ABCB11: variants seen among roughly 807,000 people sequenced by gnomAD.
ABCB11 encodes the protein ATP binding cassette subfamily B member 11, also known as bile salt export pump.
Under a neutral mutation model 148.0 loss-of-function variants are expected in ABCB11, and 95 were observed. The observed-to-expected ratio is 0.64, with a 90% confidence interval of 0.54 to 0.76. ABCB11 has a LOEUF of 0.76. ABCB11 is among the 30% of genes least tolerant of loss of function. The pLI is 0.00. For synonymous variants in ABCB11, 591 were observed against 555.4 expected, an observed-to-expected ratio of 1.06 and a Z score of -0.90; for missense variants, 1,523 against 1,617.8, an observed-to-expected ratio of 0.94 and a Z score of 1.01.
At chr2:168,923,894 G>A in intron 27 of ABCB11, 72 bp from the exon 28 acceptor site, 1 of 1,433,814 alleles carries the variant, frequency 7.0e-7, no homozygotes, top group Non-Finnish European at 9.8e-7. Context: ...TGAGAGTTCA[G>A]TTAACACGAC....
In ABCB11 at chr2:168,993,890, C is replaced by T. The variant is rs762823112; in HGVS notation, c.612-8G>A. The stretch of plus-strand genomic sequence containing the variant: ...TTGATTTTATTAATATCACTAGAAA[C>T]CAGAAAGATTTTGGTCACTAAAACT... On this transcript the variant is annotated splice_polypyrimidine_tract_variant and splice_region_variant and intron_variant, in intron 7 of 27. Coordinates refer to ENST00000650372, the MANE Select transcript of ABCB11 (RefSeq NM_003742.4). 1 of 1,599,260 alleles carries T rather than the reference C, an allele frequency of 6.3e-7. No homozygotes were observed. The highest frequency in any genetic ancestry group is 1.8e-5 in the Admixed American group (1 of 56,962).
intron 26 of ABCB11, among the ~76,000 whole-genome samples, chr2:168,926,606 C>T (rs1691324669): frequency 6.6e-6 from 1 of 152,110 alleles, no homozygotes; most frequent in South Asian, 2.1e-4. Context: ...TTGGGCAATA[C>T]AATACTTTCC....
intron 26 of ABCB11, among the ~76,000 whole-genome samples, chr2:168,925,700 T>G (rs1181154108): frequency 6.6e-6 from 1 of 152,196 alleles, no homozygotes; most frequent in Non-Finnish European, 1.5e-5. Context: ...TTCCTTTCCC[T>G]GCTTCCCTTG....
intron 25 of ABCB11, among the ~76,000 whole-genome samples, chr2:168,928,096 G>GA (rs1320951605): frequency 3.3e-5 from 5 of 151,924 alleles, no homozygotes; most frequent in Admixed American, 3.3e-4. Context: ...TATTATTTCA[G>GA]AAAAAAATTG....
intron 21 of ABCB11, among the ~76,000 whole-genome samples, chr2:168,943,862 G>C (rs973462419): frequency 6.6e-6 from 1 of 151,558 alleles, no homozygotes; most frequent in African/African-American, 2.4e-5. Flanking sequence ...TTTTCCTTTG[G>C]TTTTGTTTTT....
intron 2 of ABCB11, among the ~76,000 whole-genome samples, chr2:169,017,049 G>A (rs982989698): frequency 2.0e-5 from 3 of 150,260 alleles, no homozygotes; most frequent in African/African-American, 7.4e-5. Context: ...GGGTCCAGGA[G>A]TGCTGCTACC....
chr2:168,946,523 T>A (rs961742410), intron 19 of ABCB11, among the ~76,000 whole-genome samples: 5 of 151,822 alleles, frequency 3.3e-5, no homozygotes, highest in Admixed American at 2.0e-4. Flanking sequence ...AGTAGCACAG[T>A]AATTCTTCCC....
intron 10 of ABCB11, 55 bp from the exon 11 acceptor site, chr2:168,980,034 AT>A (rs1203832783): frequency 9.7e-7 from 1 of 1,035,394 alleles, no homozygotes; most frequent in Non-Finnish European, 1.5e-6. Flanking sequence ...GTAAATAGTA[AT>A]TACTATCATT....
In ABCB11 at chr2:169,013,364, T is replaced by G; in HGVS notation, c.297A>C (p.Glu99Asp). 1 of 1,613,788 alleles carries G rather than the reference T, an allele frequency of 6.2e-7. No homozygotes were observed. The highest frequency in any genetic ancestry group is 1.1e-5 in the South Asian group (1 of 91,074). Residue 99 changes from glutamate (E) to aspartate (D), a missense_variant, in exon 5 of 28, where the codon GAA (glutamate) becomes GAC (aspartate). By Grantham distance (45) the Glu-to-Asp change is conservative. Coordinates refer to ENST00000650372, the MANE Select transcript of ABCB11 (RefSeq NM_003742.4). ...VFIDYDVELQ[E>D]LQIPGKACVN... ...CACATGCTTTTCCTGGAATCTGGAG[T>G]TCTTGTAACTCAACGTCGTAGTCAA...
chr2:168,953,869 T>C (rs1441734588), intron 19 of ABCB11, among the ~76,000 whole-genome samples: 3 of 151,548 alleles, frequency 2.0e-5, no homozygotes, highest in Non-Finnish European at 4.4e-5. Flanking sequence ...AATGTAACCA[T>C]TTGTCTCTTA....
At chr2:168,919,889 T>C (rs1376198062), downstream of ABCB11, among the ~76,000 whole-genome samples, 2 of 152,026 alleles carry the variant, frequency 1.3e-5, no homozygotes, top group Non-Finnish European at 2.9e-5. Flanking sequence ...TTGTTTTTTT[T>C]TGAGACAAGG....
rs1424715238 is a variant in ABCB11, at chr2:168,970,157, C to T, written c.1697G>A (p.Arg566Lys). 2.5e-6 allele frequency: 4 copies of T among 1,612,728 alleles called. No individual in the cohort carries two copies. Among genetic ancestry groups the T allele is most frequent in the African/African-American group, 2.7e-5 (2 of 74,824 alleles). ...GGQMSGGQKQ[R>K]VAIARALIRN... Reference sequence around the variant, plus strand: ...GATGAGGGCTCTGGCGATAGCTACCCTTTGTTTCTGGCCACCACTCATCTG... The same window carrying T: ...GATGAGGGCTCTGGCGATAGCTACCTTTTGTTTCTGGCCACCACTCATCTG... The change falls in exon 15 of 28, where the codon AGG (arginine) becomes AAG (lysine). Residue 566 changes from arginine (R) to lysine (K), a missense_variant. By Grantham distance (26) the Arg-to-Lys change is conservative. Coordinates refer to ENST00000650372, the MANE Select transcript of ABCB11 (RefSeq NM_003742.4).
intron 15 of ABCB11, 51 bp from the exon 16 acceptor site, chr2:168,969,602 CA>C (rs1311575703): frequency 6.1e-6 from 9 of 1,481,796 alleles, no homozygotes; most frequent in African/African-American, 4.2e-5. Context: ...ACAGAGCTGA[CA>C]CTGACCTTTG....
In ABCB11 at chr2:168,932,496, C is replaced by G. The variant is rs2105891596; in HGVS notation, c.3094G>C (p.Gly1032Arg). The change falls in exon 24 of 28, where the codon GGA (glycine) becomes CGA (arginine). Residue 1032 changes from glycine (G) to arginine (R), a missense_variant. Coordinates refer to ENST00000650372, the MANE Select transcript of ABCB11 (RefSeq NM_003742.4). ...CTTGGGGTGTAAGAGAAGGCTCTTC[C>G]AAGAGCTGTTGCACTCAGTACAACT... is the stretch of plus-strand genomic sequence containing the variant. The part of the protein sequence containing the change: ...SAVVLSATAL[G>R]RAFSYTPSYA... The G allele has an allele frequency of 1.9e-6, 3 of 1,613,626 alleles. No homozygotes were observed. The highest frequency in any genetic ancestry group is 1.7e-6 in the Non-Finnish European group (2 of 1,179,760).
intron 23 of ABCB11, among the ~76,000 whole-genome samples, chr2:168,934,114 T>G (rs969628711): frequency 6.7e-5 from 10 of 150,242 alleles, no homozygotes; most frequent in Admixed American, 6.0e-4. Flanking sequence ...TTATTCTAAA[T>G]TATTCTAAAA....
chr2:169,006,350 G>T (rs1695018999), intron 5 of ABCB11, among the ~76,000 whole-genome samples: 1 of 152,130 alleles, frequency 6.6e-6, no homozygotes, highest in South Asian at 2.1e-4. Flanking sequence ...ATGACTTAAT[G>T]ATTAGAACAC....
rs1398687748 is a variant in ABCB11, at chr2:168,921,921, T to C, written c.*1701A>G. ...TGGAGTGCAGTGGCGCGATCTCGGC[T>C]CACTGCAAGCTCCACCTCCCGGGTT... On this transcript the variant is annotated 3_prime_UTR_variant, in exon 28 of 28. Transcript: ENST00000650372. Among the ~76,000 whole-genome samples, 1 of 149,836 alleles carries C rather than the reference T, an allele frequency of 6.7e-6. No homozygotes were observed. The highest frequency in any genetic ancestry group is 1.5e-5 in the Non-Finnish European group (1 of 67,714).
chr2:169,004,135 A>T (rs1694955866), intron 5 of ABCB11, among the ~76,000 whole-genome samples: 1 of 152,074 alleles, frequency 6.6e-6, no homozygotes, highest in South Asian at 2.1e-4. Flanking sequence ...TGCCTAGGTG[A>T]TGATCTTTTT....
At chr2:168,952,587 G>T (rs867684824) in intron 19 of ABCB11, among the ~76,000 whole-genome samples, 1 of 148,448 alleles carries the variant, frequency 6.7e-6, no homozygotes, top group Non-Finnish European at 1.5e-5. Flanking sequence ...TTTTGATTGA[G>T]TTTATTTGGA....
Sources: allele counts gnomAD v4.1 joint callset (sites outside exome capture counted in the v4.1 genomes callset), GRCh38; gene constraint gnomAD v4.1.1; transcripts MANE v1.5; gene names NCBI Gene and HGNC (gene_info 2026-07-23, HGNC 2026-07-21).